The following SLC24A2 variants were observed in gnomAD, a reference collection of about 807,000 sequenced individuals.
SLC24A2 encodes the protein solute carrier family 24 member 2.
A neutral mutation model predicts 62.0 loss-of-function variants in SLC24A2; 36 were observed. The observed-to-expected ratio is 0.58, with a 90% CI of 0.44 to 0.77. The LOEUF (loss-of-function observed/expected upper bound fraction) is 0.77, where lower values mean the gene tolerates loss of function less well. SLC24A2 is among the 30% of genes least tolerant of loss of function. SLC24A2 has a pLI of 0.00. For synonymous variants in SLC24A2, 358 were observed against 294.0 expected (o/e 1.22, Z -2.23); for missense variants, 846 against 817.9 (o/e 1.03, Z -0.42).
chr9:20,155,320 G>A, the SLC24A2 span, among the ~76,000 whole-genome samples: 10 of 151,566 alleles, frequency 6.6e-5, no homozygotes, highest in East Asian at 2.0e-4. Flanking sequence ...CTTTACCCTC[G>A]CCTCCACTCA....
chr9:19,969,471 T>C, the SLC24A2 span, among the ~76,000 whole-genome samples: 9 of 152,166 alleles, frequency 5.9e-5, no homozygotes, highest in Admixed American at 3.3e-4. Context: ...TTCTCTTCAA[T>C]ATGAAAGTCC....
the SLC24A2 span, among the ~76,000 whole-genome samples, chr9:20,018,623 T>C: frequency 6.6e-6 from 1 of 152,258 alleles, no homozygotes; most frequent in South Asian, 2.1e-4. Flanking sequence ...ATTATAAACA[T>C]AAAAAGTAAA....
chr9:20,121,159 C>T, the SLC24A2 span, among the ~76,000 whole-genome samples: 1 of 148,484 alleles, frequency 6.7e-6, no homozygotes, highest in Non-Finnish European at 1.5e-5. Context: ...TATAGAAAAG[C>T]CTATTGGGAT....
the SLC24A2 span, among the ~76,000 whole-genome samples, chr9:20,019,759 G>C: frequency 6.6e-5 from 10 of 151,516 alleles, no homozygotes; most frequent in Non-Finnish European, 8.8e-5. Context: ...CACAGCAAAA[G>C]AAACTATCAT....
At chr9:20,044,742 C>A in the SLC24A2 span, among the ~76,000 whole-genome samples, 1 of 152,110 alleles carries the variant, frequency 6.6e-6, no homozygotes, top group Non-Finnish European at 1.5e-5. Context: ...TTCTGATTAT[C>A]CTATTTTTTT....
the SLC24A2 span, among the ~76,000 whole-genome samples, chr9:20,110,020 G>A: frequency 6.6e-6 from 1 of 151,916 alleles, no homozygotes; most frequent in Non-Finnish European, 1.5e-5. Flanking sequence ...TATATACAGG[G>A]TTAATTTTTT....
chr9:19,561,011 C>T (rs7847888), intron 7 of SLC24A2, among the ~76,000 whole-genome samples: 2,016 of 151,916 alleles, frequency 0.013, 52 homozygotes, highest in African/African-American at 0.046. Flanking sequence ...CTGCAACCTC[C>T]GCCTCCCAGG....
chr9:19,538,945 G>A (rs1305867519), intron 8 of SLC24A2, among the ~76,000 whole-genome samples: 25 of 132,480 alleles, frequency 1.9e-4, no homozygotes, highest in Non-Finnish European at 3.7e-4. Context: ...GAGTGTATGT[G>A]TCGAGGAATT....
At chr9:19,955,971 C>T in the SLC24A2 span, among the ~76,000 whole-genome samples, 1 of 152,132 alleles carries the variant, frequency 6.6e-6, no homozygotes, top group Non-Finnish European at 1.5e-5. Flanking sequence ...AATAGGTAAG[C>T]CCAGTGTTTG....
chr9:20,007,879 CTTTTTTTTTTTTTTTTTTTTTTTT>C, the SLC24A2 span, among the ~76,000 whole-genome samples: 2 of 39,510 alleles, frequency 5.1e-5, no homozygotes, highest in Non-Finnish European at 9.3e-5. Flanking sequence ...TTACTCCTCT[CTTTTTTTTTTTTTTTTTTTTTTTT>C]TTTTTTTTTT....
chr9:20,097,949 A>G, the SLC24A2 span, among the ~76,000 whole-genome samples: 91 of 151,616 alleles, frequency 6.0e-4, no homozygotes, highest in African/African-American at 1.9e-3. Flanking sequence ...TCACCATGTT[A>G]GCCAGTATGG....
chr9:19,991,325 G>A, the SLC24A2 span, among the ~76,000 whole-genome samples: 8 of 152,118 alleles, frequency 5.3e-5, no homozygotes, highest in African/African-American at 1.9e-4. Context: ...TCCAGCATGG[G>A]AGAAAGACAA....
intron 2 of SLC24A2, among the ~76,000 whole-genome samples, chr9:19,767,406 G>C (rs1298722685): frequency 1.3e-5 from 2 of 152,214 alleles, no homozygotes; most frequent in Non-Finnish European, 2.9e-5. Flanking sequence ...ACAATTTTGT[G>C]CTTGAAACCC....
the SLC24A2 span, among the ~76,000 whole-genome samples, chr9:19,851,008 C>CATAT: frequency 2.3e-3 from 71 of 31,526 alleles, 3 homozygotes; most frequent in African/African-American, 7.3e-3. Flanking sequence ...TATACACATA[C>CATAT]ATATATATAT....
the SLC24A2 span, among the ~76,000 whole-genome samples, chr9:19,981,215 T>C: frequency 1.3e-5 from 2 of 152,352 alleles, 1 homozygote; most frequent in African/African-American, 4.8e-5. Context: ...TTCACATATA[T>C]GTAGCTCACT....
the SLC24A2 span, among the ~76,000 whole-genome samples, chr9:20,107,134 C>A: frequency 6.6e-6 from 1 of 152,162 alleles, no homozygotes; most frequent in African/African-American, 2.4e-5. Context: ...ATCCAACTTA[C>A]AAGGGATGTG....
At chr9:19,895,901 G>C in the SLC24A2 span, 17 of 1,613,342 alleles carry the variant, frequency 1.1e-5, no homozygotes, top group Non-Finnish European at 1.1e-5. Context: ...CGCCGGGCAG[G>C]GTCAAATTCT....
At chr9:20,306,476 G>T in the SLC24A2 span, among the ~76,000 whole-genome samples, 1 of 152,144 alleles carries the variant, frequency 6.6e-6, no homozygotes, top group Non-Finnish European at 1.5e-5. Flanking sequence ...AGACCCAAAG[G>T]CTTCTGCAAA....
At chr9:19,819,005 G>C in the SLC24A2 span, among the ~76,000 whole-genome samples, 1 of 149,132 alleles carries the variant, frequency 6.7e-6, no homozygotes, top group Non-Finnish European at 1.5e-5. Context: ...TAGGCACATA[G>C]ACCAGTGGAA....
Sources: gnomAD v4.1 joint callset for allele counts (sites outside exome capture counted in the v4.1 genomes callset) on GRCh38, gnomAD v4.1.1 for gene constraint, MANE v1.5 for transcripts, NCBI Gene and HGNC (gene_info 2026-07-23, HGNC 2026-07-21) for gene names.